The following SPEN variants were observed in gnomAD, a reference collection of about 807,000 sequenced individuals.
SPEN encodes the protein spen family transcriptional repressor.
In SPEN, 18 loss-of-function variants were observed where a neutral mutation model predicts 269.9. The observed-to-expected ratio is 0.07, with a 90% CI of 0.05 to 0.10. The LOEUF is 0.10. SPEN is among the 10% of genes least tolerant of loss of function. SPEN has a pLI of 1.00. For synonymous variants in SPEN, 1,726 were observed against 1,765.7 expected (o/e 0.98, Z 0.56); for missense variants, 3,822 against 4,631.2 (o/e 0.83, Z 5.07).
chr1:15,879,674 A>AT (rs2070667717), intron 3 of SPEN, among the ~76,000 whole-genome samples: 1 of 139,138 alleles, frequency 7.2e-6, no homozygotes, highest in Non-Finnish European at 1.6e-5. Flanking sequence ...CCAGCAGACA[A>AT]ATTTTTTTTT....
rs139667737 is a variant in SPEN at position 15,893,114 on chromosome 1, C to A, written c.882-16207C>A. Among the ~76,000 whole-genome samples the A allele has an allele frequency of 6.4e-3, 979 of 152,184 alleles. 8 individuals are homozygous for A. Among genetic ancestry groups the A allele is most frequent in the Middle Eastern group, 0.02 (6 of 294 alleles). Reference sequence around the variant, plus strand: ...ACTCTGTCTCAAACAACAACAACAACAACAAAAACACTTTCATCTGATGAT... The same window carrying A: ...ACTCTGTCTCAAACAACAACAACAAAAACAAAAACACTTTCATCTGATGAT... On this transcript the variant is annotated intron_variant, in intron 3 of 14. Transcript: ENST00000375759.
chr1:15,921,000 T>C lies in SPEN; in HGVS notation c.1749+17T>C, dbSNP rs1271101040. The C allele has an allele frequency of 9.3e-6, 14 of 1,512,206 alleles. No individual in the cohort carries two copies. The Admixed American group carries it at 2.4e-4, about 26-fold the overall frequency. 93.7% of individuals were successfully genotyped at this position (1,512,206 alleles called of 1,614,324 possible). ...AAAATTAAGGTGTGCAGAATGACTTTAAACAGAAGCAAAACAAAGTCCTAT... is the reference window on the plus strand; with the variant it reads ...AAAATTAAGGTGTGCAGAATGACTTCAAACAGAAGCAAAACAAAGTCCTAT... On this transcript the variant is annotated intron_variant, in intron 9 of 14. Coordinates refer to ENST00000375759, the MANE Select transcript of SPEN (RefSeq NM_015001.3).
chr1:15,920,127 C>T (rs778127684), intron 8 of SPEN, among the ~76,000 whole-genome samples: 64 of 151,750 alleles, frequency 4.2e-4, no homozygotes, highest in Non-Finnish European at 7.5e-4. Context: ...TGGAGTGCAG[C>T]GGCGGGATCT....
At chr1:15,883,298 A>G (rs189259504) in intron 3 of SPEN, among the ~76,000 whole-genome samples, 46 of 152,326 alleles carry the variant, frequency 3.0e-4, no homozygotes, top group Admixed American at 2.2e-3. Context: ...GCTTAAAGTA[A>G]CAAGGAAAGC....
intron 3 of SPEN, among the ~76,000 whole-genome samples, chr1:15,896,948 A>G (rs2070847279): frequency 6.6e-6 from 1 of 152,156 alleles, no homozygotes; most frequent in Non-Finnish European, 1.5e-5. Flanking sequence ...AGCCTGGATG[A>G]CAGAGCGAGA....
rs774536757 is a variant in SPEN, at chr1:15,936,251, C to G, written c.10011C>G (p.Thr3337=). 1 of 1,549,366 alleles carries G rather than the reference C, an allele frequency of 6.5e-7. No homozygotes were observed. The highest frequency in any genetic ancestry group is 1.2e-5 in the South Asian group (1 of 81,504). The change falls in exon 11 of 15, where the codon ACC becomes ACG. Residue 3337 remains threonine (T), a synonymous_variant. Coordinates refer to ENST00000375759, the MANE Select transcript of SPEN (RefSeq NM_015001.3). ...AASSVGLPSR[T]KTAAQGPPPE... ...CCTCTGTTGGCCTGCCTTCCCGGAC[C>G]AAGACAGCTGCTCAGGTGAGCCAGC... is the stretch of plus-strand genomic sequence containing the variant.
chr1:15,932,536 C>T lies in SPEN; in HGVS notation c.6296C>T (p.Ala2099Val). ...GCAAGTCTGAAAAATGTGGATGCTG[C>T]TGTCAGTCCCAGGGGGGCTGCAGCA... ...KSASLKNVDAAVSPRGAAAQA... is the reference protein window; with the variant it reads ...KSASLKNVDAVVSPRGAAAQA... Residue 2099 changes from alanine to valine, a missense_variant, in exon 11 of 15, where the codon GCT (alanine) becomes GTT (valine). Around this residue, in one of 16 missense-constraint regions of SPEN, gnomAD observed 727 missense variants for 737.9 expected, o/e 0.99. Transcript: ENST00000375759. The surrounding 1 kb of genome is among the most constrained non-coding windows in gnomAD (Gnocchi z 4.2). The T allele has an allele frequency of 1.3e-6, 2 of 1,599,112 alleles. No homozygotes were observed. The highest frequency in any genetic ancestry group is 2.7e-5 in the African/African-American group (2 of 74,338).
chr1:15,918,881 A>G, intron 6 of SPEN, 45 bp from the exon 7 acceptor site: 1 of 1,534,126 alleles, frequency 6.5e-7, no homozygotes, highest in South Asian at 1.2e-5. Context: ...ATTCTAATTT[A>G]TTTTCTTGGG....
At chr1:15,887,655 C>T (rs192232520) in intron 3 of SPEN, among the ~76,000 whole-genome samples, 3 of 151,650 alleles carry the variant, frequency 2.0e-5, no homozygotes, top group Admixed American at 6.6e-5. Context: ...TGGTATGTTC[C>T]TGTAGCTTCT....
chr1:15,867,852 T>C (rs1225596703), intron 1 of SPEN, among the ~76,000 whole-genome samples: 1 of 151,972 alleles, frequency 6.6e-6, no homozygotes, highest in Non-Finnish European at 1.5e-5. Context: ...TCTCTCTCTG[T>C]ATCCGTATAT....
chr1:15,936,903 T>C (rs1314905899), intron 11 of SPEN, among the ~76,000 whole-genome samples: 2 of 152,220 alleles, frequency 1.3e-5, no homozygotes, highest in African/African-American at 4.8e-5. Context: ...ATGAAAGTAT[T>C]AGATCACATC....
At chr1:15,893,728 T>A (rs929523692) in intron 3 of SPEN, among the ~76,000 whole-genome samples, 1 of 151,314 alleles carries the variant, frequency 6.6e-6, no homozygotes, top group African/African-American at 2.4e-5. Flanking sequence ...CGAGACCCTG[T>A]CTCTTAAAAA....
chr1:15,932,530 A>ATGCTGCTGTCAGTCCCAGGGGGGC lies in SPEN; in HGVS notation c.6294_6317dup (p.Val2100_Ala2107dup). The ATGCTGCTGTCAGTCCCAGGGGGGC allele has an allele frequency of 6.2e-7, 1 of 1,600,084 alleles. No individual in the cohort carries two copies. Among genetic ancestry groups the ATGCTGCTGTCAGTCCCAGGGGGGC allele is most frequent in the Non-Finnish European group, 8.5e-7 (1 of 1,171,414 alleles). ...AAATCTGCAAGTCTGAAAAATGTGG[A>ATGCTGCTGTCAGTCCCAGGGGGGC]TGCTGCTGTCAGTCCCAGGGGGGCT... On this transcript the variant is annotated inframe_insertion, in exon 11 of 15. Transcript: ENST00000375759. The surrounding 1 kb of genome is among the most constrained non-coding windows in gnomAD (Gnocchi z 4.2).
At chr1:15,899,409 A>C (rs185232624) in intron 3 of SPEN, among the ~76,000 whole-genome samples, 76 of 152,182 alleles carry the variant, frequency 5.0e-4, no homozygotes, top group African/African-American at 1.7e-3. Context: ...TGAACTCCTG[A>C]GCTCAAGTGA....
intron 10 of SPEN, among the ~76,000 whole-genome samples, chr1:15,924,016 A>C (rs956157901): frequency 1.9e-4 from 29 of 152,256 alleles, no homozygotes; most frequent in African/African-American, 7.0e-4. Context: ...AAATTCTCAA[A>C]AGCTCAAACT....
At position 15,939,382 on chromosome 1, in the gene SPEN, C is replaced by A; in HGVS notation, c.10950C>A (p.Ile3650=). 6.2e-7 allele frequency: 1 copy of A among 1,607,056 alleles called. No individual in the cohort carries two copies. The highest frequency in any genetic ancestry group is 8.5e-7 in the Non-Finnish European group (1 of 1,176,676). The change falls in exon 15 of 15, where the codon ATC becomes ATA. Residue 3650 remains isoleucine, a synonymous_variant. Transcript: ENST00000375759. This position sits in a 1 kb window ranked among gnomAD's most constrained non-coding sequence, Gnocchi z 4.1. ...SRLAPDLLAS[I]SNISPHLMIV... ...TGGCCCCTGACCTCCTTGCCAGCATCTCCAACATCTCTCCCCACCTCATGA... is the reference window on the plus strand; with the variant it reads ...TGGCCCCTGACCTCCTTGCCAGCATATCCAACATCTCTCCCCACCTCATGA...
rs376552510 is a variant in SPEN, at chr1:15,930,558, A to G, written c.4318A>G (p.Ile1440Val). The change falls in exon 11 of 15, where the codon ATC becomes GTC. Residue 1440 changes from isoleucine (I) to valine (V), a missense_variant. Around this residue, in one of 16 missense-constraint regions of SPEN, gnomAD observed 267 missense variants for 315.5 expected, o/e 0.85. Transcript: ENST00000375759. The surrounding 1 kb of genome is among the most constrained non-coding windows in gnomAD (Gnocchi z 5.3). Reference protein sequence around the residue: ...KFYSFALDKTITPDTKALLER... With the variant: ...KFYSFALDKTVTPDTKALLER... ...TTACTCTTTTGCATTGGATAAGACA[A>G]TCACACCAGACACTAAAGCTTTGCT... 140 of 1,613,922 alleles carry G rather than the reference A, an allele frequency of 8.7e-5. No homozygotes were observed. The highest frequency in any genetic ancestry group is 2.5e-4 in the East Asian group (11 of 44,892).
intron 10 of SPEN, among the ~76,000 whole-genome samples, chr1:15,923,753 T>G (rs984889240): frequency 6.6e-6 from 1 of 151,754 alleles, no homozygotes; most frequent in African/African-American, 2.4e-5. Context: ...TACTGCAACC[T>G]CTGCCTTGCT....
At position 15,916,403 on chromosome 1, in the gene SPEN, A is replaced by C. The variant is rs574757077; in HGVS notation, c.1395+124A>C. 3 of 1,032,440 alleles carry C rather than the reference A, an allele frequency of 2.9e-6. No homozygotes were observed. The East Asian group carries it at 8.2e-5, about 28-fold the overall frequency. The allele number at this position is 1,032,440 out of a possible 1,614,324, so 64.0% of individuals were successfully genotyped here. ...TGAATGAACATTGTTGTGTGCTTTT[A>C]GCTCTTGCTAAAAGATAATCCAGAG... is the stretch of plus-strand genomic sequence containing the variant. On this transcript the variant is annotated intron_variant, in intron 6 of 14. Coordinates refer to ENST00000375759, the MANE Select transcript of SPEN (RefSeq NM_015001.3).
Sources: allele counts gnomAD v4.1 joint callset (sites outside exome capture counted in the v4.1 genomes callset), GRCh38; gene constraint gnomAD v4.1.1; regional missense constraint gnomAD v4.1.1; non-coding constraint Gnocchi (gnomAD v3.1); transcripts MANE v1.5; gene names NCBI Gene and HGNC (gene_info 2026-07-23, HGNC 2026-07-21).